Variants in PLPPR1 observed in about 807,000 individuals in gnomAD.
The protein encoded by PLPPR1 is phospholipid phosphatase related 1, also known as phospholipid phosphatase-related protein type 1.
Under a neutral mutation model 33.1 loss-of-function variants are expected in PLPPR1, and 10 were observed. The ratio of observed to expected loss-of-function variants is 0.30; its 90% CI spans 0.19 to 0.51. The LOEUF is 0.51. Among genes scored for constraint, PLPPR1 ranks in the 20% least tolerant of loss-of-function variants. The pLI is 0.97. For synonymous variants in PLPPR1, 151 were observed against 151.0 expected, an observed-to-expected ratio of 1.00 and a Z score of 0.00; for missense variants, 304 against 408.1, an observed-to-expected ratio of 0.74 and a Z score of 2.20.
intron 1 of PLPPR1, among the ~76,000 whole-genome samples, chr9:101,032,194 C>T (rs1356694344): frequency 6.6e-6 from 1 of 152,046 alleles, no homozygotes; most frequent in Non-Finnish European, 1.5e-5. Flanking sequence ...GTGAATGGAA[C>T]TATCCAAGCA....
chr9:101,132,761 G>A (rs1217434556), intron 1 of PLPPR1, among the ~76,000 whole-genome samples: 1 of 152,166 alleles, frequency 6.6e-6, no homozygotes, highest in Non-Finnish European at 1.5e-5. Context: ...TGTATGGGCA[G>A]TGGGTATATG....
intron 1 of PLPPR1, among the ~76,000 whole-genome samples, chr9:101,182,061 G>A (rs939707277): frequency 2.0e-5 from 3 of 151,150 alleles, no homozygotes; most frequent in African/African-American, 4.9e-5. Flanking sequence ...TATTGTAATG[G>A]AATACTATTT....
chr9:101,081,788 C>G (rs1453837802), intron 1 of PLPPR1, among the ~76,000 whole-genome samples: 4 of 152,130 alleles, frequency 2.6e-5, no homozygotes, highest in Non-Finnish European at 1.5e-5. Context: ...AATCTCCAGA[C>G]TGTGTGGGAT....
At chr9:101,083,151 T>C (rs2118515469) in intron 1 of PLPPR1, among the ~76,000 whole-genome samples, 1 of 152,248 alleles carries the variant, frequency 6.6e-6, no homozygotes, top group South Asian at 2.1e-4. Context: ...ACTAGTTCTC[T>C]CTAGAATTTT....
intron 1 of PLPPR1, among the ~76,000 whole-genome samples, chr9:101,097,525 G>T (rs555424299): frequency 1.3e-5 from 2 of 152,246 alleles, no homozygotes; most frequent in South Asian, 4.2e-4. Flanking sequence ...AAAATCTGAG[G>T]GTATGTGGAA....
intron 2 of PLPPR1, among the ~76,000 whole-genome samples, chr9:101,190,149 A>T (rs1020097908): frequency 2.6e-5 from 4 of 152,146 alleles, no homozygotes; most frequent in African/African-American, 9.7e-5. Flanking sequence ...CTTTCCTTGT[A>T]GTCTTCCTAT....
At chr9:101,096,424 A>T (rs1434779667) in intron 1 of PLPPR1, among the ~76,000 whole-genome samples, 1 of 152,228 alleles carries the variant, frequency 6.6e-6, no homozygotes, top group East Asian at 1.9e-4. Flanking sequence ...CGGTGTCTAC[A>T]TGAGCAAGAG....
At chr9:101,218,940 G>T (rs1363149898) in intron 2 of PLPPR1, among the ~76,000 whole-genome samples, 1 of 152,184 alleles carries the variant, frequency 6.6e-6, no homozygotes, top group African/African-American at 2.4e-5. Context: ...AATGAGCGGT[G>T]ATAATTAAAG....
intron 5 of PLPPR1, among the ~76,000 whole-genome samples, chr9:101,311,901 G>T (rs1331194413): frequency 6.6e-6 from 1 of 152,100 alleles, no homozygotes; most frequent in East Asian, 1.9e-4. Context: ...TACTACCAAA[G>T]GTTAGCTAAA....
chr9:101,037,571 G>A lies in PLPPR1; in HGVS notation c.-46+8469G>A, dbSNP rs144865347. On this transcript the variant is annotated intron_variant, in intron 1 of 7. Coordinates refer to ENST00000374874, the MANE Select transcript of PLPPR1 (RefSeq NM_207299.2). ...ATTAACAAGAATAATATCTGGGTGA[G>A]AGCACTGCTGTTCGGCTCAGCAGCT... is the stretch of plus-strand genomic sequence containing the variant. Among the ~76,000 whole-genome samples, 175 of 152,152 alleles carry A rather than the reference G, an allele frequency of 1.2e-3. 3 individuals carry two copies. Among genetic ancestry groups the A allele is most frequent in the Non-Finnish European group, 1.4e-3 (98 of 67,966 alleles).
intron 2 of PLPPR1, among the ~76,000 whole-genome samples, chr9:101,202,980 A>G (rs990508136): frequency 6.6e-6 from 1 of 152,238 alleles, no homozygotes; most frequent in Non-Finnish European, 1.5e-5. Context: ...GTAATGCTCA[A>G]TAAACTCCTA....
chr9:101,165,373 G>T (rs146825012), intron 1 of PLPPR1, among the ~76,000 whole-genome samples: 15 of 152,254 alleles, frequency 9.9e-5, no homozygotes, highest in African/African-American at 2.6e-4. Context: ...GATTGACTGA[G>T]TTGAATACAG....
In PLPPR1 at chr9:101,047,426, G is replaced by A. The variant is rs140174997; in HGVS notation, c.-46+18324G>A. On this transcript the variant is annotated intron_variant, in intron 1 of 7. Coordinates refer to ENST00000374874, the MANE Select transcript of PLPPR1 (RefSeq NM_207299.2). Reference sequence around the variant, plus strand: ...AGTGAACTTGCGTAAAAGATGTTAAGGGTATATCTGAGCGCTGTGTGAAGC... The same window carrying A: ...AGTGAACTTGCGTAAAAGATGTTAAAGGTATATCTGAGCGCTGTGTGAAGC... 2.3e-3 allele frequency among the ~76,000 whole-genome samples: 352 copies of A among 152,292 alleles called. 1 individual carries two copies. Among genetic ancestry groups the A allele is most frequent in the African/African-American group, 7.7e-3 (318 of 41,558 alleles).
chr9:101,281,657 T>C (rs1039312251), intron 3 of PLPPR1, among the ~76,000 whole-genome samples: 2 of 151,952 alleles, frequency 1.3e-5, no homozygotes, highest in African/African-American at 4.8e-5. Context: ...AATGAAGAGT[T>C]GCTTTTTTGA....
At chr9:101,170,324 A>G (rs1156708034) in intron 1 of PLPPR1, among the ~76,000 whole-genome samples, 1 of 152,188 alleles carries the variant, frequency 6.6e-6, no homozygotes, top group Non-Finnish European at 1.5e-5. Context: ...ACAGTTCCAC[A>G]TGGCTGGGGA....
chr9:101,206,486 G>A (rs1370791275), intron 2 of PLPPR1, among the ~76,000 whole-genome samples: 1 of 152,132 alleles, frequency 6.6e-6, no homozygotes, highest in Non-Finnish European at 1.5e-5. Context: ...CAGAGTCTGA[G>A]CTCTCTGCTT....
chr9:101,098,616 A>G (rs1340478107), intron 1 of PLPPR1, among the ~76,000 whole-genome samples: 1 of 152,116 alleles, frequency 6.6e-6, no homozygotes, highest in East Asian at 1.9e-4. Context: ...AGAAAGGGAA[A>G]TGAAGTCAAC....
rs550157117 is a variant in PLPPR1 at position 101,312,411 on chromosome 9, T to C, written c.637-387T>C. Among the ~76,000 whole-genome samples, 3 of 152,314 alleles carry C rather than the reference T, an allele frequency of 2.0e-5. No homozygotes were observed. In the East Asian group the frequency reaches 5.8e-4, roughly 29 times the overall value. Reference sequence around the variant, plus strand: ...TGGTCTTCTCCACCAAAAGCTTCATTCCCATAGAAGGTTTATTTGGTATCT... The same window carrying C: ...TGGTCTTCTCCACCAAAAGCTTCATCCCCATAGAAGGTTTATTTGGTATCT... On this transcript the variant is annotated intron_variant, in intron 5 of 7. Transcript: ENST00000374874.
At chr9:101,315,641 T>C (rs1455486535) in intron 6 of PLPPR1, among the ~76,000 whole-genome samples, 1 of 152,210 alleles carries the variant, frequency 6.6e-6, no homozygotes, top group Non-Finnish European at 1.5e-5. Flanking sequence ...AAATGGCCTT[T>C]ACGTAAGACC....
Sources: gnomAD v4.1 joint callset for allele counts (sites outside exome capture counted in the v4.1 genomes callset) on GRCh38, gnomAD v4.1.1 for gene constraint, MANE v1.5 for transcripts, NCBI Gene and HGNC (gene_info 2026-07-23, HGNC 2026-07-21) for gene names.